Variants in NCALD observed in about 807,000 individuals in gnomAD.
The protein encoded by NCALD is neurocalcin-delta.
A neutral mutation model predicts 18.6 loss-of-function variants in NCALD; 10 were observed. The observed-to-expected ratio is 0.54, with a 90% CI of 0.33 to 0.91. The LOEUF (loss-of-function observed/expected upper bound fraction) is 0.91, where lower values mean the gene tolerates loss of function less well. Among genes scored for constraint, NCALD ranks in the 40% least tolerant of loss-of-function variants. The pLI is 0.03. For synonymous variants in NCALD, 88 were observed against 87.4 expected (o/e 1.01, Z -0.04); for missense variants, 184 against 247.6 (o/e 0.74, Z 1.72).
intron 2 of NCALD, among the ~76,000 whole-genome samples, chr8:101,996,658 A>G (rs1821250392): frequency 6.6e-6 from 1 of 152,220 alleles, no homozygotes; most frequent in Non-Finnish European, 1.5e-5. Context: ...CAGGGCAGAA[A>G]GAAGGTCCTT....
At chr8:102,061,796 C>T (rs1823858927) in intron 1 of NCALD, among the ~76,000 whole-genome samples, 1 of 152,218 alleles carries the variant, frequency 6.6e-6, no homozygotes, top group Non-Finnish European at 1.5e-5. Context: ...ATAAGCGCAT[C>T]TACCCTGGTG....
intron 1 of NCALD, among the ~76,000 whole-genome samples, chr8:102,072,346 C>T (rs192554308): frequency 5.3e-4 from 81 of 152,194 alleles, no homozygotes; most frequent in African/African-American, 1.1e-3. Flanking sequence ...ACATTTAAAA[C>T]GACCCTTAAA....
chr8:101,775,744 G>A (rs1811765720), intron 1 of NCALD, among the ~76,000 whole-genome samples: 1 of 152,186 alleles, frequency 6.6e-6, no homozygotes, highest in Non-Finnish European at 1.5e-5. Flanking sequence ...CAACCTTCAT[G>A]CAGCCATTTC....
At chr8:101,930,512 T>G (rs1340869732) in intron 2 of NCALD, among the ~76,000 whole-genome samples, 1 of 151,988 alleles carries the variant, frequency 6.6e-6, no homozygotes, top group African/African-American at 2.4e-5. Flanking sequence ...TCACAGTGCC[T>G]CCGGCGCAGC....
intron 2 of NCALD, among the ~76,000 whole-genome samples, chr8:101,695,100 T>C (rs1814929544): frequency 6.6e-6 from 1 of 152,172 alleles, no homozygotes; most frequent in Non-Finnish European, 1.5e-5. Context: ...ATCTAAATAT[T>C]TGGTGAATTC....
intron 2 of NCALD, among the ~76,000 whole-genome samples, chr8:101,959,996 C>G (rs1819778761): frequency 6.6e-6 from 1 of 152,086 alleles, no homozygotes; most frequent in African/African-American, 2.4e-5. Context: ...TCCACAATAC[C>G]TAGGCTGAGT....
In NCALD at chr8:101,891,572, G is replaced by A. The variant is rs555307273; in HGVS notation, c.-106-4345C>T. Among the ~76,000 whole-genome samples the A allele has an allele frequency of 1.1e-4, 16 of 152,318 alleles. No homozygotes were observed. The East Asian group carries it at 1.2e-3, about 11-fold the overall frequency. On this transcript the variant is annotated intron_variant, in intron 3 of 6. Transcript: ENST00000311028. ...TCCCAGCGTGAGCGACGCAGAAGAC[G>A]GGTGATTTCTGCATTTCCATCTGAG...
At chr8:101,942,858 C>T (rs990155777) in intron 2 of NCALD, among the ~76,000 whole-genome samples, 7 of 152,168 alleles carry the variant, frequency 4.6e-5, no homozygotes, top group Non-Finnish European at 8.8e-5. Context: ...TGCTTACCCA[C>T]TGTGACATAC....
In NCALD at chr8:101,719,533, C is replaced by G; in HGVS notation, c.97G>C (p.Gly33Arg). ...TEHEIQEWYK[G>R]FLRDCPSGHL... The stretch of plus-strand genomic sequence containing the variant: ...CCACTGGGGCAGTCTCTCAAGAAGC[C>G]TTTATACCATTCCTGGATCTCATGC... Residue 33 changes from glycine to arginine, a missense_variant, in exon 2 of 4, where the codon GGC (glycine) becomes CGC (arginine). By Grantham distance (125) the Gly-to-Arg change is moderately radical. Coordinates refer to ENST00000220931, the MANE Select transcript of NCALD (RefSeq NM_032041.3). 1.9e-6 allele frequency: 3 copies of G among 1,614,202 alleles called. No homozygotes were observed. Among genetic ancestry groups the G allele is most frequent in the Non-Finnish European group, 2.5e-6 (3 of 1,180,034 alleles).
At chr8:101,799,871 C>T (rs1812776780) in intron 4 of NCALD, among the ~76,000 whole-genome samples, 1 of 152,146 alleles carries the variant, frequency 6.6e-6, no homozygotes, top group Admixed American at 6.5e-5. Flanking sequence ...ATATCAATAT[C>T]CTGATTGTAA....
intron 1 of NCALD, among the ~76,000 whole-genome samples, chr8:101,789,407 A>G (rs1812366465): frequency 6.6e-6 from 1 of 152,202 alleles, no homozygotes; most frequent in African/African-American, 2.4e-5. Flanking sequence ...AAAAACAGAC[A>G]TGTCAAATGC....
intron 4 of NCALD, among the ~76,000 whole-genome samples, chr8:101,862,122 T>C (rs566264): frequency 0.28 from 42,381 of 152,128 alleles, 6,298 homozygotes; most frequent in East Asian, 0.39. Context: ...TTTTGAACTG[T>C]CATGTCTGAC....
chr8:102,003,768 T>C (rs9656849), intron 2 of NCALD, among the ~76,000 whole-genome samples: 30,267 of 152,074 alleles, frequency 0.2, 3,863 homozygotes, highest in African/African-American at 0.36. Context: ...ACAGAACCAA[T>C]GACAAAAACC....
intron 2 of NCALD, among the ~76,000 whole-genome samples, chr8:101,998,664 C>T (rs747948207): frequency 2.0e-5 from 3 of 152,240 alleles, no homozygotes; most frequent in South Asian, 4.2e-4. Flanking sequence ...CCAAGGATGG[C>T]GATGGCTTAC....
At chr8:101,906,849 G>A in intron 3 of NCALD, among the ~76,000 whole-genome samples, 1 of 152,146 alleles carries the variant, frequency 6.6e-6, no homozygotes, top group East Asian at 1.9e-4. Flanking sequence ...CCCACTTTTA[G>A]GCGCAAGATT....
chr8:102,095,727 G>T (rs893294127), intron 1 of NCALD, among the ~76,000 whole-genome samples: 6 of 152,140 alleles, frequency 3.9e-5, no homozygotes, highest in Admixed American at 2.6e-4. Context: ...GGAAGTGAAA[G>T]GTATCTGAAG....
At chr8:102,036,547 G>A (rs1822871781) in intron 1 of NCALD, among the ~76,000 whole-genome samples, 1 of 152,050 alleles carries the variant, frequency 6.6e-6, no homozygotes, top group Non-Finnish European at 1.5e-5. Context: ...GGCTGAGGCG[G>A]GAGGATCACC....
intron 4 of NCALD, among the ~76,000 whole-genome samples, chr8:101,858,279 G>T (rs1815401060): frequency 1.3e-5 from 2 of 152,154 alleles, no homozygotes; most frequent in African/African-American, 4.8e-5. Flanking sequence ...GAGCAAAACT[G>T]AAATTAACCA....
intron 2 of NCALD, among the ~76,000 whole-genome samples, chr8:101,958,241 T>TG (rs1320554239): frequency 2.6e-5 from 4 of 152,180 alleles, no homozygotes; most frequent in Admixed American, 2.6e-4. Flanking sequence ...GTAATCGACA[T>TG]GTTTTTGTCT....
Sources: gnomAD v4.1 joint callset for allele counts (sites outside exome capture counted in the v4.1 genomes callset) on GRCh38, gnomAD v4.1.1 for gene constraint, MANE v1.5 for transcripts, NCBI Gene and HGNC (gene_info 2026-07-23, HGNC 2026-07-21) for gene names.